Variants in TENM4 observed in about 807,000 individuals in gnomAD.
TENM4 encodes teneurin-4.
A neutral mutation model predicts 243.3 loss-of-function variants in TENM4; 82 were observed. The ratio of observed to expected loss-of-function variants is 0.34; its 90% CI spans 0.28 to 0.40. The LOEUF is 0.40. Among genes scored for constraint, TENM4 ranks in the 10% least tolerant of loss-of-function variants. TENM4 has a pLI of 1.00. For missense variants in TENM4, 3,138 were observed against 3,673.3 expected, an observed-to-expected ratio of 0.85 and a Z score of 3.77; for synonymous variants, 1,412 against 1,456.3, an observed-to-expected ratio of 0.97 and a Z score of 0.69.
chr11:78,689,865 C>T (rs1001031338), intron 28 of TENM4, among the ~76,000 whole-genome samples: 2 of 152,226 alleles, frequency 1.3e-5, no homozygotes, highest in Non-Finnish European at 2.9e-5. Context: ...AATATATCAC[C>T]CCTGTTTTTG....
At chr11:79,417,944 T>C (rs1488703583) in intron 1 of TENM4, among the ~76,000 whole-genome samples, 1 of 152,190 alleles carries the variant, frequency 6.6e-6, no homozygotes, top group East Asian at 1.9e-4. Flanking sequence ...TCCAGGCAGA[T>C]CTTGTCACTC....
chr11:78,877,603 T>G (rs538572472), intron 9 of TENM4, among the ~76,000 whole-genome samples: 1 of 152,346 alleles, frequency 6.6e-6, no homozygotes, highest in East Asian at 1.9e-4. Context: ...TTGGGGGTCC[T>G]TCCTGACCAA....
At chr11:78,765,358 T>C (rs937092962) in intron 18 of TENM4, among the ~76,000 whole-genome samples, 5 of 152,226 alleles carry the variant, frequency 3.3e-5, no homozygotes, top group Non-Finnish European at 5.9e-5. Context: ...TAGAGATAGT[T>C]TGAAGGGTGA....
chr11:79,406,300 G>C (rs1398845576), intron 1 of TENM4, among the ~76,000 whole-genome samples: 1 of 151,972 alleles, frequency 6.6e-6, no homozygotes, highest in African/African-American at 2.4e-5. Flanking sequence ...ATTTTAAAAG[G>C]AAAATGTATC....
At chr11:78,890,044 G>C (rs946847302) in intron 8 of TENM4, 24 bp from the exon 9 acceptor site, 44 of 1,508,826 alleles carry the variant, frequency 2.9e-5, no homozygotes, top group Non-Finnish European at 3.8e-5. Flanking sequence ...GCAGCAAGAG[G>C]GTGTCAGGGG....
At chr11:79,028,194 A>G (rs1398663487) in intron 6 of TENM4, among the ~76,000 whole-genome samples, 2 of 152,348 alleles carry the variant, frequency 1.3e-5, no homozygotes, top group East Asian at 3.9e-4. Flanking sequence ...GAAGATAAAT[A>G]TAAAGCACTG....
At chr11:79,279,412 C>G (rs1856117074) in intron 2 of TENM4, among the ~76,000 whole-genome samples, 2 of 152,180 alleles carry the variant, frequency 1.3e-5, no homozygotes. Flanking sequence ...TCAAGTCTGA[C>G]TTCTTTACTG....
At chr11:79,112,225 C>T (rs58499746) in intron 4 of TENM4, among the ~76,000 whole-genome samples, 34,269 of 152,118 alleles carry the variant, frequency 0.23, 4,707 homozygotes, top group African/African-American at 0.39. Context: ...TATGCTTGTG[C>T]ATAAGTAATA....
At chr11:78,729,730 G>T in intron 21 of TENM4, 87 bp from the exon 22 acceptor site, 1 of 1,487,350 alleles carries the variant, frequency 6.7e-7, no homozygotes. Flanking sequence ...GACTCTGGGT[G>T]TTCAGGAGGT....
At chr11:79,332,267 G>A (rs1441330018) in intron 1 of TENM4, among the ~76,000 whole-genome samples, 6 of 152,184 alleles carry the variant, frequency 3.9e-5, no homozygotes, top group African/African-American at 1.4e-4. Context: ...GTGCAGGAGT[G>A]GTTTATTTCC....
intron 6 of TENM4, among the ~76,000 whole-genome samples, chr11:78,950,377 T>G (rs1255261852): frequency 6.6e-6 from 1 of 151,858 alleles, no homozygotes; most frequent in African/African-American, 2.4e-5. Flanking sequence ...GGGTAGGGTA[T>G]AGTGCAGGGC....
At chr11:78,765,881 G>T (rs1037673410) in intron 18 of TENM4, among the ~76,000 whole-genome samples, 1 of 152,084 alleles carries the variant, frequency 6.6e-6, no homozygotes, top group East Asian at 1.9e-4. Flanking sequence ...AGCAAAGAGC[G>T]TGTAACAGTT....
intron 6 of TENM4, among the ~76,000 whole-genome samples, chr11:79,062,647 C>T (rs1339815023): frequency 1.3e-5 from 2 of 152,218 alleles, no homozygotes; most frequent in Non-Finnish European, 2.9e-5. Context: ...CTAACATTCT[C>T]AGATCAGGGG....
intron 2 of TENM4, among the ~76,000 whole-genome samples, chr11:79,279,911 C>T (rs1365056791): frequency 1.3e-5 from 2 of 152,094 alleles, no homozygotes; most frequent in African/African-American, 4.8e-5. Flanking sequence ...AGAGCTCTAC[C>T]CCTGTGAATA....
At chr11:78,811,878 A>T (rs1381580908) in intron 14 of TENM4, among the ~76,000 whole-genome samples, 1 of 152,212 alleles carries the variant, frequency 6.6e-6, no homozygotes, top group Non-Finnish European at 1.5e-5. Flanking sequence ...GGCTTCTAGC[A>T]CAGCCCCGTA....
intron 1 of TENM4, among the ~76,000 whole-genome samples, chr11:79,352,405 G>A (rs553280329): frequency 6.6e-6 from 1 of 152,326 alleles, no homozygotes; most frequent in East Asian, 1.9e-4. Context: ...GGAGCCAAGA[G>A]TGACCTCCCC....
chr11:78,857,058 T>C (rs1164826516), intron 10 of TENM4, among the ~76,000 whole-genome samples: 1 of 150,646 alleles, frequency 6.6e-6, no homozygotes, highest in East Asian at 1.9e-4. Flanking sequence ...TTCTATTTAG[T>C]AATTAAGCAC....
At chr11:79,428,549 G>T (rs931878386) in intron 1 of TENM4, among the ~76,000 whole-genome samples, 1 of 152,208 alleles carries the variant, frequency 6.6e-6, no homozygotes, top group African/African-American at 2.4e-5. Flanking sequence ...AATGGTTAAT[G>T]GGGCACAGCC....
At chr11:78,948,374 CTTTT>C (rs200520007) in intron 6 of TENM4, among the ~76,000 whole-genome samples, 4 of 138,740 alleles carry the variant, frequency 2.9e-5, no homozygotes, top group African/African-American at 8.0e-5. Context: ...TCCCAACTGT[CTTTT>C]TTTTTTTTTT....
Sources: allele counts gnomAD v4.1 joint callset (sites outside exome capture counted in the v4.1 genomes callset), GRCh38; gene constraint gnomAD v4.1.1; transcripts MANE v1.5; gene names NCBI Gene and HGNC (gene_info 2026-07-23, HGNC 2026-07-21).